The following LNPEP variants were observed in gnomAD, a reference collection of about 807,000 sequenced individuals.
LNPEP encodes leucyl-cystinyl aminopeptidase.
Under a neutral mutation model 120.6 loss-of-function variants are expected in LNPEP, and 64 were observed. That is an observed-to-expected ratio of 0.53 (90% CI 0.43 to 0.65). The LOEUF is 0.65. LNPEP is among the 30% of genes least tolerant of loss of function. The pLI, the probability that LNPEP is intolerant of heterozygous loss-of-function variation, is 0.00. For synonymous variants in LNPEP, 435 were observed against 425.4 expected, an observed-to-expected ratio of 1.02 and a Z score of -0.28; for missense variants, 1,057 against 1,200.0, an observed-to-expected ratio of 0.88 and a Z score of 1.76.
intron 11 of LNPEP, among the ~76,000 whole-genome samples, chr5:97,008,670 T>TTTA (rs1469374375): frequency 1.4e-5 from 2 of 139,088 alleles, no homozygotes; most frequent in African/African-American, 2.7e-5. Flanking sequence ...CTCTTTTTTT[T>TTTA]TTTTTTTTTT....
At chr5:96,977,130 A>G (rs1471309238) in intron 1 of LNPEP, among the ~76,000 whole-genome samples, 1 of 152,108 alleles carries the variant, frequency 6.6e-6, no homozygotes, top group Non-Finnish European at 1.5e-5. Context: ...GTTGGAGAGG[A>G]GTCAGGAAAA....
chr5:97,025,977 T>C (rs1203427533), intron 15 of LNPEP, among the ~76,000 whole-genome samples: 3 of 152,178 alleles, frequency 2.0e-5, no homozygotes, highest in Non-Finnish European at 4.4e-5. Flanking sequence ...TATAAACAGA[T>C]AGTATAGCAT....
chr5:96,998,161 A>G lies in LNPEP; in HGVS notation c.1653+16A>G, dbSNP rs1190079002. The G allele has an allele frequency of 1.3e-6, 2 of 1,576,782 alleles. No homozygotes were observed. Among genetic ancestry groups the G allele is most frequent in the South Asian group, 1.2e-5 (1 of 84,750 alleles). On this transcript the variant is annotated intron_variant, in intron 8 of 17. Transcript: ENST00000231368. ...CTATTTTAAGGTATTGCTGTGAACA[A>G]AAAGGTAGCTGGAGTGGGTTTAAAA... is the stretch of plus-strand genomic sequence containing the variant.
intron 1 of LNPEP, chr5:96,958,625 C>T (rs1789526386): frequency 5.6e-6 from 2 of 357,554 alleles, no homozygotes; most frequent in South Asian, 1.1e-4. Context: ...TGATACGGAT[C>T]TCATTGGGCT....
chr5:96,997,860 A>G (rs1790552863), intron 7 of LNPEP, among the ~76,000 whole-genome samples, 154 bp from the exon 8 acceptor site: 1 of 152,150 alleles, frequency 6.6e-6, no homozygotes, highest in South Asian at 2.1e-4. Flanking sequence ...CAATCTTCCT[A>G]CATTTTTGAA....
At chr5:96,971,756 C>A (rs1789868480) in intron 1 of LNPEP, among the ~76,000 whole-genome samples, 1 of 151,532 alleles carries the variant, frequency 6.6e-6, no homozygotes, top group Non-Finnish European at 1.5e-5. Context: ...TCATTTAGTT[C>A]TTTTTTAGTC....
chr5:96,950,570 C>G (rs574299784), intron 1 of LNPEP, among the ~76,000 whole-genome samples: 2 of 152,234 alleles, frequency 1.3e-5, no homozygotes, highest in South Asian at 4.1e-4. Context: ...GCAGGACTCT[C>G]TATTAGTTGA....
In LNPEP at chr5:97,030,840, A is replaced by G. The variant is rs945782048; in HGVS notation, c.*2307A>G. 1.3e-5 allele frequency: 2 copies of G among 151,886 alleles called. No homozygotes were observed. The highest frequency in any genetic ancestry group is 1.3e-4 in the Admixed American group (2 of 15,240). 9.4% of individuals were successfully genotyped at this position (151,886 alleles called of 1,614,324 possible). On this transcript the variant is annotated 3_prime_UTR_variant, in exon 18 of 18. Coordinates refer to ENST00000231368, the MANE Select transcript of LNPEP (RefSeq NM_005575.3). ...TGTTGCCCTTACCTTAATTATTTGT[A>G]GTTTTAGTAGGCCTTGCCTCAGTTT...
At chr5:96,966,286 G>A (rs761410620) in intron 1 of LNPEP, among the ~76,000 whole-genome samples, 4 of 151,914 alleles carry the variant, frequency 2.6e-5, no homozygotes, top group Admixed American at 6.6e-5. Context: ...TGCATGAGAC[G>A]AGGAGTTTAA....
rs201494251 is a variant in LNPEP, at chr5:96,979,679, G to A, written c.561G>A (p.Ser187=). The part of the protein sequence containing the change: ...YELSLHPNLT[S]MTFRGSVTIS... ...TCAGCCTACACCCGAACCTAACCTCGATGACATTCAGGGGTTCTGTGACAA... is the reference window on the plus strand; with the variant it reads ...TCAGCCTACACCCGAACCTAACCTCAATGACATTCAGGGGTTCTGTGACAA... The change falls in exon 2 of 18, where the codon TCG becomes TCA. Residue 187 remains serine, a synonymous_variant. Coordinates refer to ENST00000231368, the MANE Select transcript of LNPEP (RefSeq NM_005575.3). 1.5e-5 allele frequency: 25 copies of A among 1,613,886 alleles called. No homozygotes were observed. The East Asian group carries it at 1.6e-4, about 10-fold the overall frequency.
At chr5:97,015,506 C>T (rs1791045826) in intron 13 of LNPEP, among the ~76,000 whole-genome samples, 1 of 152,072 alleles carries the variant, frequency 6.6e-6, no homozygotes. Context: ...AGGGTTCTTA[C>T]TGATAACTAT....
intron 1 of LNPEP, among the ~76,000 whole-genome samples, chr5:96,948,857 G>A (rs1466031023): frequency 1.3e-5 from 2 of 151,882 alleles, no homozygotes; most frequent in Non-Finnish European, 2.9e-5. Flanking sequence ...GTTGACTACT[G>A]TATAGTATAG....
chr5:97,028,372 T>C (rs1306222842), intron 17 of LNPEP, 30 bp from the exon 18 acceptor site: 1 of 1,611,006 alleles, frequency 6.2e-7, no homozygotes, highest in Non-Finnish European at 8.5e-7. Context: ...CCTTTTCTTC[T>C]TTTGAAATTC....
rs1468895641 is a variant in LNPEP, at chr5:97,036,869, A to G, written c.*8336A>G. The stretch of plus-strand genomic sequence containing the variant: ...CACATTTACATTTGATCATAAATAA[A>G]AGAAAAAAGGGCACCTTTTTGGAGT... On this transcript the variant is annotated 3_prime_UTR_variant, in exon 18 of 18. Coordinates refer to ENST00000231368, the MANE Select transcript of LNPEP (RefSeq NM_005575.3). The G allele has an allele frequency of 6.6e-6, 1 of 152,200 alleles. No homozygotes were observed. Among genetic ancestry groups the G allele is most frequent in the African/African-American group, 2.4e-5 (1 of 41,470 alleles). The allele number at this position is 152,200 out of a possible 1,614,324, so 9.4% of individuals were successfully genotyped here.
In LNPEP at chr5:96,998,027, T is replaced by C; in HGVS notation, c.1535T>C (p.Leu512Ser). The stretch of plus-strand genomic sequence containing the variant: ...ATTTTTTGACAGTATGAAGATTTCT[T>C]AGATGCTCGATTTAAAACCATGAAG... ...FKELSSYEDFLDARFKTMKKD... is the reference protein window; with the variant it reads ...FKELSSYEDFSDARFKTMKKD... The change falls in exon 8 of 18, where the codon TTA (leucine) becomes TCA (serine). Residue 512 changes from leucine (L) to serine (S), a missense_variant. Physicochemically the swap from Leu to Ser is moderately radical, Grantham distance 145 (BLOSUM62 -2). Coordinates refer to ENST00000231368, the MANE Select transcript of LNPEP (RefSeq NM_005575.3). 6.4e-7 allele frequency: 1 copy of C among 1,571,680 alleles called. No individual in the cohort carries two copies. The highest frequency in any genetic ancestry group is 8.7e-7 in the Non-Finnish European group (1 of 1,151,000).
intron 1 of LNPEP, among the ~76,000 whole-genome samples, chr5:96,964,525 A>C (rs1789681856): frequency 6.6e-6 from 1 of 152,042 alleles, no homozygotes; most frequent in Admixed American, 6.6e-5. Context: ...AGGTATAAAT[A>C]ATTTTTTGTC....
At position 96,979,841 on chromosome 5, in the gene LNPEP, A is replaced by T; in HGVS notation, c.723A>T (p.Gly241=). ...AGATCCTGGAATATGCATATCATGG[A>T]CAGATCGCCATTGTTGCCCCCGAAG... ...QAEILEYAYH[G]QIAIVAPEAL... The change falls in exon 2 of 18, where the codon GGA becomes GGT. Residue 241 remains glycine, a synonymous_variant. Transcript: ENST00000231368. 6.2e-7 allele frequency: 1 copy of T among 1,614,026 alleles called. No individual in the cohort carries two copies. Among genetic ancestry groups the T allele is most frequent in the Non-Finnish European group, 8.5e-7 (1 of 1,179,948 alleles).
intron 1 of LNPEP, among the ~76,000 whole-genome samples, chr5:96,966,605 A>G (rs1475369870): frequency 6.7e-6 from 1 of 150,346 alleles, no homozygotes; most frequent in Non-Finnish European, 1.5e-5. Flanking sequence ...TTTACCACTT[A>G]GTATATGTCG....
chr5:96,971,183 A>G (rs1356075411), intron 1 of LNPEP, among the ~76,000 whole-genome samples: 2 of 152,032 alleles, frequency 1.3e-5, no homozygotes, highest in African/African-American at 4.8e-5. Flanking sequence ...CAACTCTTTA[A>G]AAATGCTCTA....
Sources: allele counts gnomAD v4.1 joint callset (sites outside exome capture counted in the v4.1 genomes callset), GRCh38; gene constraint gnomAD v4.1.1; transcripts MANE v1.5; gene names NCBI Gene and HGNC (gene_info 2026-07-23, HGNC 2026-07-21).